The following C9orf57 variants were observed in gnomAD, a reference collection of about 807,000 sequenced individuals.
C9orf57 encodes the protein uncharacterized protein C9orf57.
C9orf57 carries 12 observed loss-of-function variants against 12.9 expected under a neutral mutation model. That is an observed-to-expected ratio of 0.93 (90% CI 0.60 to 1.51). C9orf57 has a LOEUF of 1.51. Among genes scored for constraint, C9orf57 ranks in the 40% most tolerant of loss-of-function variants. The pLI is 0.00. For missense variants in C9orf57, 141 were observed against 162.8 expected, an observed-to-expected ratio of 0.87 and a Z score of 0.73; for synonymous variants, 49 against 57.1, an observed-to-expected ratio of 0.86 and a Z score of 0.64.
chr9:72,054,241 G>T (rs778493795), intron 4 of C9orf57, among the ~76,000 whole-genome samples: 6 of 152,236 alleles, frequency 3.9e-5, no homozygotes, highest in Non-Finnish European at 8.8e-5. Context: ...CAGGTGATCT[G>T]CCTGCCTTGG....
intron 2 of C9orf57, 97 bp from the exon 3 acceptor site, chr9:72,056,940 A>C (rs1824217572): frequency 1.0e-6 from 1 of 961,256 alleles, no homozygotes; most frequent in Non-Finnish European, 1.5e-6. Flanking sequence ...ACAGGGTTGC[A>C]CTCCTGTTAC....
intron 4 of C9orf57, among the ~76,000 whole-genome samples, chr9:72,053,838 C>T (rs1028849922): frequency 3.2e-4 from 49 of 152,276 alleles, no homozygotes; most frequent in African/African-American, 1.1e-3. Context: ...GTATACTGAA[C>T]GTACTTGTTG....
At position 72,056,140 on chromosome 9, in the gene C9orf57, G is replaced by C; in HGVS notation, c.214C>G (p.Leu72Val). Residue 72 changes from leucine to valine, a missense_variant, in exon 4 of 5, where the codon CTT becomes GTT. Coordinates refer to ENST00000651200, the MANE Select transcript of C9orf57 (RefSeq NM_001128618.2). Reference sequence around the variant, plus strand: ...GCCTGGCAGGTTCCCAGGTCTAAAAGACATCCATGGAAGGGCAGTGAAAGA... The same window carrying C: ...GCCTGGCAGGTTCCCAGGTCTAAAACACATCCATGGAAGGGCAGTGAAAGA... ...CNLSLPFHGC[L>V]LDLGTCQAEP... is the part of the protein sequence containing the mutation. The C allele has an allele frequency of 6.4e-7, 1 of 1,550,886 alleles. No individual in the cohort carries two copies. The highest frequency in any genetic ancestry group is 1.7e-4 in the Middle Eastern group (1 of 5,994).
chr9:72,056,674 T>C (rs1422553463), intron 3 of C9orf57, 110 bp downstream of exon 3: 1 of 1,107,906 alleles, frequency 9.0e-7, no homozygotes, highest in Non-Finnish European at 1.3e-6. Flanking sequence ...GTTGGTGTAA[T>C]GTAGCCCTGG....
chr9:72,056,722 G>A (rs1824210746), intron 3 of C9orf57, 62 bp downstream of exon 3: 2 of 1,498,450 alleles, frequency 1.3e-6, no homozygotes, highest in African/African-American at 2.8e-5. Flanking sequence ...ATGAAAGTTT[G>A]TTGTGATAAG....
At chr9:72,058,875 A>G (rs557167438) in intron 2 of C9orf57, among the ~76,000 whole-genome samples, 30 of 152,024 alleles carry the variant, frequency 2.0e-4, no homozygotes, top group African/African-American at 6.8e-4. Flanking sequence ...TCAATGATCA[A>G]TCAACAATTT....
Position 72,052,102 on chromosome 9 carries a change from G to T in C9orf57, c.*194C>A. 1 of 553,816 alleles carries T rather than the reference G, an allele frequency of 1.8e-6. No individual in the cohort carries two copies. The highest frequency in any genetic ancestry group is 3.1e-6 in the Non-Finnish European group (1 of 318,406). The allele number at this position is 553,816 out of a possible 1,614,324, so 34.3% of individuals were successfully genotyped here. On this transcript the variant is annotated 3_prime_UTR_variant, in exon 5 of 5. Transcript: ENST00000651200. ...ATGGTGTTGAAAGGGCTATTTCTCA[G>T]ATGAGTTGGAGGTGGTGGGGGAGAT... is the stretch of plus-strand genomic sequence containing the variant.
intron 3 of C9orf57, 86 bp from the exon 4 acceptor site, chr9:72,056,282 G>T: frequency 9.4e-7 from 1 of 1,068,004 alleles, no homozygotes; most frequent in Non-Finnish European, 1.3e-6. Context: ...AAAAAATAAA[G>T]TAGTGATTTT....
At chr9:72,056,952 C>G in intron 2 of C9orf57, 109 bp from the exon 3 acceptor site, 1 of 834,124 alleles carries the variant, frequency 1.2e-6, no homozygotes, top group Non-Finnish European at 1.8e-6. Context: ...TCCTGTTACC[C>G]AGGCTGGAGT....
chr9:72,054,266 G>A (rs367900856), intron 4 of C9orf57, among the ~76,000 whole-genome samples: 1 of 152,242 alleles, frequency 6.6e-6, no homozygotes, highest in Non-Finnish European at 1.5e-5. Context: ...CCAAAGTGCT[G>A]GGATTATAGG....
chr9:72,059,172 C>T, intron 2 of C9orf57, 63 bp downstream of exon 2: 9 of 1,543,826 alleles, frequency 5.8e-6, no homozygotes, highest in Non-Finnish European at 7.9e-6. Context: ...AGCCGCCACG[C>T]TCGGCCCTAC....
intron 4 of C9orf57, among the ~76,000 whole-genome samples, chr9:72,053,710 A>T (rs1427662141): frequency 2.6e-5 from 4 of 152,142 alleles, no homozygotes; most frequent in Non-Finnish European, 5.9e-5. Flanking sequence ...TTGCGACGTG[A>T]CCCCATGATT....
At position 72,059,242 on chromosome 9, in the gene C9orf57, G is replaced by A; in HGVS notation, c.90C>T (p.Arg30=). 2 of 1,551,598 alleles carry A rather than the reference G, an allele frequency of 1.3e-6. No homozygotes were observed. The highest frequency in any genetic ancestry group is 2.4e-5 in the East Asian group (1 of 40,914). The change falls in exon 2 of 5, where the codon CGC becomes CGT. Residue 30 remains arginine, a synonymous_variant. Transcript: ENST00000651200. The part of the protein sequence containing the change: ...FRLLGVILFG[R]LGDLGTCQTK... ...GCTTTCCTAATGACTTACCACCTAAGCGGCCGAATAAGATAACACCTAAGA... is the reference window on the plus strand; with the variant it reads ...GCTTTCCTAATGACTTACCACCTAAACGGCCGAATAAGATAACACCTAAGA...
chr9:72,059,304 T>G lies in C9orf57; in HGVS notation c.28A>C (p.Ile10Leu). The change falls in exon 2 of 5, where the codon ATC becomes CTC. Residue 10 changes from isoleucine (I) to leucine (L), a missense_variant. Coordinates refer to ENST00000651200, the MANE Select transcript of C9orf57 (RefSeq NM_001128618.2). Reference protein sequence around the residue: MRRIVFAGVILFRLLGVILF... With the variant: MRRIVFAGVLLFRLLGVILF... The stretch of plus-strand genomic sequence containing the variant: ...ATAACACCTAAGAGGCGGAATAAGA[T>G]AACACCAGCAAAAACAATCCTTCTC... 6.4e-7 allele frequency: 1 copy of G among 1,551,748 alleles called. No homozygotes were observed. The highest frequency in any genetic ancestry group is 1.2e-5 in the South Asian group (1 of 84,062).
Position 72,051,409 on chromosome 9 carries a change from T to G in C9orf57, c.*887A>C, listed in dbSNP as rs1012274508. On this transcript the variant is annotated 3_prime_UTR_variant, in exon 5 of 5. Coordinates refer to ENST00000651200, the MANE Select transcript of C9orf57 (RefSeq NM_001128618.2). ...ACATTTATTATTTATTTTTTGAATT[T>G]TCAAACTCCTGAAAATACAGAGAAA... 1.3e-5 allele frequency: 2 copies of G among 152,186 alleles called. No individual in the cohort carries two copies. 9.4% of individuals were successfully genotyped at this position (152,186 alleles called of 1,614,324 possible).
chr9:72,056,670 G>A (rs1161800636), intron 3 of C9orf57, 114 bp downstream of exon 3: 41 of 1,043,028 alleles, frequency 3.9e-5, no homozygotes, highest in Non-Finnish European at 5.2e-5. Context: ...TTTTGTTGGT[G>A]TAATGTAGCC....
Position 72,059,243 on chromosome 9 carries a change from C to A in C9orf57, c.89G>T (p.Arg30Leu), listed in dbSNP as rs921480817. ...FRLLGVILFG[R>L]LGDLGTCQTK... ...CTTTCCTAATGACTTACCACCTAAGCGGCCGAATAAGATAACACCTAAGAG... is the reference window on the plus strand; with the variant it reads ...CTTTCCTAATGACTTACCACCTAAGAGGCCGAATAAGATAACACCTAAGAG... Residue 30 changes from arginine to leucine, a missense_variant, in exon 2 of 5, where the codon CGC becomes CTC. Physicochemically the swap from Arg to Leu is moderately radical, Grantham distance 102. Transcript: ENST00000651200. 1 of 1,551,550 alleles carries A rather than the reference C, an allele frequency of 6.4e-7. No homozygotes were observed. The highest frequency in any genetic ancestry group is 8.7e-7 in the Non-Finnish European group (1 of 1,146,950).
At chr9:72,057,057 G>A (rs1330309312) in intron 2 of C9orf57, among the ~76,000 whole-genome samples, 14 of 151,238 alleles carry the variant, frequency 9.3e-5, no homozygotes, top group Admixed American at 8.6e-4. Flanking sequence ...GGGACTACAG[G>A]CACACACCCA....
intron 2 of C9orf57, among the ~76,000 whole-genome samples, chr9:72,058,140 C>T (rs531149934): frequency 1.3e-5 from 2 of 152,220 alleles, no homozygotes; most frequent in Admixed American, 6.5e-5. Context: ...GTTTGTGAAT[C>T]GTTGATGCTT....
Sources: allele counts gnomAD v4.1 joint callset (sites outside exome capture counted in the v4.1 genomes callset), GRCh38; gene constraint gnomAD v4.1.1; transcripts MANE v1.5; gene names NCBI Gene and HGNC (gene_info 2026-07-23, HGNC 2026-07-21).